Variants in CEP70 observed in about 807,000 individuals in gnomAD.
CEP70 encodes centrosomal protein 70, also known as centrosomal protein of 70 kDa.
In CEP70, 70 loss-of-function variants were observed where a neutral mutation model predicts 90.9. The ratio of observed to expected loss-of-function variants is 0.77; its 90% confidence interval spans 0.64 to 0.94. CEP70 has a LOEUF of 0.94. Ranked by LOEUF, CEP70 falls within the 40% of genes least tolerant of loss-of-function variation. CEP70 has a pLI of 0.00. For synonymous variants in CEP70, 220 were observed against 228.3 expected, an observed-to-expected ratio of 0.96 and a Z score of 0.33; for missense variants, 648 against 669.0, an observed-to-expected ratio of 0.97 and a Z score of 0.35.
chr3:138,564,456 C>A (rs926609388), intron 6 of CEP70, among the ~76,000 whole-genome samples: 3 of 152,166 alleles, frequency 2.0e-5, no homozygotes, highest in African/African-American at 4.8e-5. Context: ...CAATAAAATA[C>A]TGGCAAACCA....
chr3:138,537,403 C>T (rs1425730414), intron 6 of CEP70, 56 bp from the exon 7 acceptor site: 1 of 1,244,978 alleles, frequency 8.0e-7, no homozygotes, highest in East Asian at 2.6e-5. Flanking sequence ...GACATGCTAT[C>T]CTAACAGTAT....
intron 2 of CEP70, among the ~76,000 whole-genome samples, chr3:138,577,373 G>A (rs1416381708): frequency 1.3e-5 from 2 of 152,084 alleles, no homozygotes; most frequent in Non-Finnish European, 2.9e-5. Context: ...CAAGGGTCAG[G>A]CACAATGGCT....
chr3:138,575,924 C>T (rs1412306965), intron 2 of CEP70, among the ~76,000 whole-genome samples: 2 of 152,174 alleles, frequency 1.3e-5, no homozygotes, highest in Non-Finnish European at 2.9e-5. Context: ...CACCACCAGG[C>T]CTGCCTTACA....
intron 11 of CEP70, among the ~76,000 whole-genome samples, chr3:138,521,547 G>A (rs1156692580): frequency 6.6e-6 from 1 of 151,232 alleles, no homozygotes; most frequent in African/African-American, 2.4e-5. Context: ...CCCCATCTGG[G>A]ATGTGAGGAG....
At chr3:138,518,737 CAG>C (rs1177560156) in intron 11 of CEP70, among the ~76,000 whole-genome samples, 1 of 152,102 alleles carries the variant, frequency 6.6e-6, no homozygotes, top group Non-Finnish European at 1.5e-5. Flanking sequence ...GGGGAAGAAA[CAG>C]AGCAGAAAAA....
intron 6 of CEP70, among the ~76,000 whole-genome samples, chr3:138,557,463 CT>C (rs1169438713): frequency 6.6e-6 from 1 of 152,190 alleles, no homozygotes; most frequent in Non-Finnish European, 1.5e-5. Flanking sequence ...TCCATGAAAT[CT>C]TCACAATTTA....
At chr3:138,504,339 C>T (rs2034787141) in intron 13 of CEP70, among the ~76,000 whole-genome samples, 1 of 152,186 alleles carries the variant, frequency 6.6e-6, no homozygotes, top group Non-Finnish European at 1.5e-5. Flanking sequence ...AAATTAACAT[C>T]ACCACCCCCA....
intron 11 of CEP70, among the ~76,000 whole-genome samples, chr3:138,521,677 C>A (rs576683544): frequency 1.3e-4 from 19 of 149,866 alleles, no homozygotes; most frequent in Non-Finnish European, 2.2e-4. Flanking sequence ...CTGAGGAGCG[C>A]CTCTGCCCGG....
At chr3:138,511,368 G>A (rs1051242733) in intron 11 of CEP70, among the ~76,000 whole-genome samples, 1 of 152,212 alleles carries the variant, frequency 6.6e-6, no homozygotes, top group African/African-American at 2.4e-5. Context: ...TTTGCCTAAA[G>A]GCAGTGCCAT....
intron 6 of CEP70, among the ~76,000 whole-genome samples, chr3:138,551,764 T>A (rs1672921): frequency 0.069 from 9,934 of 143,588 alleles, 483 homozygotes; most frequent in Non-Finnish European, 0.1. Flanking sequence ...AAAAATAAAA[T>A]AAAACAAAAC....
intron 3 of CEP70, among the ~76,000 whole-genome samples, chr3:138,571,620 C>A (rs1400354963): frequency 2.0e-5 from 3 of 152,112 alleles, no homozygotes; most frequent in African/African-American, 7.2e-5. Flanking sequence ...CCAACAACAA[C>A]AACAAAAACA....
chr3:138,524,579 C>T (rs949964065), intron 11 of CEP70, among the ~76,000 whole-genome samples: 4 of 152,164 alleles, frequency 2.6e-5, no homozygotes, highest in African/African-American at 9.7e-5. Context: ...AAAAACCAAA[C>T]AACCCCATCA....
At chr3:138,495,721 G>A (rs2033912238) in intron 17 of CEP70, 1 of 212,514 alleles carries the variant, frequency 4.7e-6, no homozygotes, top group Non-Finnish European at 8.1e-6. Flanking sequence ...GTGTGGTAGT[G>A]GGCACCTGTA....
At chr3:138,549,084 T>C (rs904191117) in intron 6 of CEP70, among the ~76,000 whole-genome samples, 1 of 152,086 alleles carries the variant, frequency 6.6e-6, no homozygotes, top group Middle Eastern at 3.2e-3. Context: ...AAGCCATTTC[T>C]GACTTGTCTC....
chr3:138,519,755 T>C (rs1385283160), intron 11 of CEP70, among the ~76,000 whole-genome samples: 3 of 152,160 alleles, frequency 2.0e-5, no homozygotes, highest in Non-Finnish European at 4.4e-5. Flanking sequence ...CCGTCGAGGC[T>C]AGGAAGAAAC....
chr3:138,559,660 G>A (rs1179860716), intron 6 of CEP70, among the ~76,000 whole-genome samples: 1 of 152,194 alleles, frequency 6.6e-6, no homozygotes, highest in East Asian at 1.9e-4. Flanking sequence ...AGGAGGCGGA[G>A]GGTGCAGTGA....
intron 2 of CEP70, 172 bp from the exon 3 acceptor site, chr3:138,573,104 T>G (rs888527075): frequency 1.7e-6 from 1 of 590,162 alleles, no homozygotes; most frequent in African/African-American, 1.9e-5. Flanking sequence ...ACTTCTTAGA[T>G]AGCTGATTGT....
At chr3:138,517,163 A>G (rs928625837) in intron 11 of CEP70, among the ~76,000 whole-genome samples, 36 of 152,204 alleles carry the variant, frequency 2.4e-4, no homozygotes, top group Admixed American at 2.2e-3. Context: ...TTACTTCCCA[A>G]GATAATTTTC....
At chr3:138,548,768 T>C (rs1350395850) in intron 6 of CEP70, among the ~76,000 whole-genome samples, 1 of 152,152 alleles carries the variant, frequency 6.6e-6, no homozygotes, top group Non-Finnish European at 1.5e-5. Flanking sequence ...TCATGAACTT[T>C]TGCTCCAAAA....
Sources: gnomAD v4.1 joint callset for allele counts (sites outside exome capture counted in the v4.1 genomes callset) on GRCh38, gnomAD v4.1.1 for gene constraint, MANE v1.5 for transcripts, NCBI Gene and HGNC (gene_info 2026-07-23, HGNC 2026-07-21) for gene names.